Variants in FREM3 observed in about 807,000 individuals in gnomAD.
FREM3 encodes the protein FRAS1 related extracellular matrix 3.
A neutral mutation model predicts 129.1 loss-of-function variants in FREM3; 105 were observed. The observed-to-expected ratio is 0.81, with a 90% CI of 0.69 to 0.96. FREM3 has a LOEUF of 0.96. Ranked by LOEUF, FREM3 falls within the 40% of genes least tolerant of loss-of-function variation. FREM3 has a pLI of 0.00. For missense variants in FREM3, 2,593 were observed against 2,666.3 expected (o/e 0.97, Z 0.61); for synonymous variants, 1,014 against 1,044.9 (o/e 0.97, Z 0.57).
chr4:143,580,846 C>T (rs1738130418), intron 7 of FREM3, among the ~76,000 whole-genome samples: 1 of 152,246 alleles, frequency 6.6e-6, no homozygotes, highest in East Asian at 1.9e-4. Context: ...ACCCCCAGCA[C>T]AGCACAGCTG....
At chr4:143,590,330 A>G (rs1738334781) in intron 6 of FREM3, among the ~76,000 whole-genome samples, 1 of 152,296 alleles carries the variant, frequency 6.6e-6, no homozygotes, top group African/African-American at 2.4e-5. Flanking sequence ...TTCAAAGGGA[A>G]TGTTTCCAGT....
chr4:143,679,658 A>C (rs1740216261), intron 2 of FREM3, among the ~76,000 whole-genome samples: 1 of 152,120 alleles, frequency 6.6e-6, no homozygotes, highest in South Asian at 2.1e-4. Flanking sequence ...CACAGCTCTG[A>C]GCTAATTCTT....
intron 6 of FREM3, among the ~76,000 whole-genome samples, chr4:143,586,391 C>T (rs891253741): frequency 2.0e-5 from 3 of 152,086 alleles, no homozygotes; most frequent in Non-Finnish European, 4.4e-5. Context: ...GAAAATTGCT[C>T]TTCCTGTGGA....
Position 143,696,029 on chromosome 4 carries a change from T to C in FREM3, c.4647A>G (p.Lys1549=). 6.5e-7 allele frequency: 1 copy of C among 1,537,874 alleles called. No homozygotes were observed. The highest frequency in any genetic ancestry group is 8.7e-7 in the Non-Finnish European group (1 of 1,147,042). The change falls in exon 1 of 8, where the codon AAA becomes AAG. Residue 1549 remains lysine (K), a synonymous_variant. Transcript: ENST00000329798. The part of the protein sequence containing the change: ...ILTIHRLTLQ[K]EDSQLITLLE... ...GGAGAGTGATCAGTTGGCTATCCTC[T>C]TTCTGTAGTGTTAGTCTATGGATGG...
At chr4:143,583,375 G>C (rs1738182353) in intron 7 of FREM3, among the ~76,000 whole-genome samples, 1 of 152,140 alleles carries the variant, frequency 6.6e-6, no homozygotes, top group South Asian at 2.1e-4. Context: ...AAACAACTTG[G>C]AAAATATATT....
intron 2 of FREM3, among the ~76,000 whole-genome samples, chr4:143,658,564 T>G (rs1335833485): frequency 2.6e-5 from 4 of 152,218 alleles, no homozygotes; most frequent in African/African-American, 7.2e-5. Context: ...CCTTTCCTGT[T>G]TCCTCAGTGT....
chr4:143,700,411 C>T lies in FREM3; in HGVS notation c.265G>A (p.Val89Met). The change falls in exon 1 of 8, where the codon GTG becomes ATG. Residue 89 changes from valine to methionine, a missense_variant. By Grantham distance (21) the Val-to-Met change is conservative. Coordinates refer to ENST00000329798, the MANE Select transcript of FREM3 (RefSeq NM_001168235.2). ...LDPLRDLVIGVQPGDRCEVTV... is the reference protein window; with the variant it reads ...LDPLRDLVIGMQPGDRCEVTV... ...ACTTCGCACCGGTCCCCCGGCTGCA[C>T]TCCAATCACCAGATCCCGGAGCGGG... 6.5e-7 allele frequency: 1 copy of T among 1,533,424 alleles called. No homozygotes were observed. The highest frequency in any genetic ancestry group is 1.2e-5 in the South Asian group (1 of 83,770). The allele number at this position is 1,533,424 out of a possible 1,614,324, so 95.0% of individuals were successfully genotyped here. A position where few individuals can be genotyped will look rare whatever the true frequency, so the allele number is the denominator to read the frequency against.
At chr4:143,586,804 T>C (rs1212133571) in intron 6 of FREM3, among the ~76,000 whole-genome samples, 3 of 152,192 alleles carry the variant, frequency 2.0e-5, no homozygotes, top group East Asian at 1.9e-4. Flanking sequence ...ATACCTACTA[T>C]ATGTACTGTC....
intron 6 of FREM3, among the ~76,000 whole-genome samples, chr4:143,588,879 A>G (rs1328451174): frequency 1.3e-5 from 2 of 150,300 alleles, no homozygotes; most frequent in African/African-American, 5.0e-5. Flanking sequence ...AAGTGTTCCT[A>G]TTTCTCCACA....
chr4:143,631,218 G>C (rs1271063660), intron 2 of FREM3, among the ~76,000 whole-genome samples: 1 of 152,128 alleles, frequency 6.6e-6, no homozygotes, highest in Non-Finnish European at 1.5e-5. Flanking sequence ...AATATTATTT[G>C]ATTCTGGGGC....
intron 2 of FREM3, among the ~76,000 whole-genome samples, chr4:143,655,676 A>G (rs899515992): frequency 1.3e-5 from 2 of 152,214 alleles, no homozygotes; most frequent in Non-Finnish European, 2.9e-5. Flanking sequence ...TTGAATTCGT[A>G]TCAAAAACCA....
intron 7 of FREM3, among the ~76,000 whole-genome samples, chr4:143,581,641 G>A (rs1212162474): frequency 6.6e-6 from 1 of 152,134 alleles, no homozygotes; most frequent in East Asian, 1.9e-4. Context: ...AAGAGTCTGA[G>A]GGCTTTACTC....
chr4:143,670,863 T>A (rs1739952540), intron 2 of FREM3, among the ~76,000 whole-genome samples: 1 of 152,098 alleles, frequency 6.6e-6, no homozygotes, highest in South Asian at 2.1e-4. Flanking sequence ...ATACATGGAA[T>A]CACATGATTA....
chr4:143,597,431 G>A (rs1738502479), intron 6 of FREM3, among the ~76,000 whole-genome samples: 2 of 152,152 alleles, frequency 1.3e-5, no homozygotes, highest in South Asian at 2.1e-4. Context: ...GATAAACACA[G>A]TTTTTATGCC....
chr4:143,683,842 G>C (rs1740303568), intron 2 of FREM3, among the ~76,000 whole-genome samples: 1 of 152,172 alleles, frequency 6.6e-6, no homozygotes, highest in Non-Finnish European at 1.5e-5. Context: ...AGTGAGAACT[G>C]CCCTTCAGTT....
chr4:143,662,552 A>G (rs1400032182), intron 2 of FREM3, among the ~76,000 whole-genome samples: 2 of 149,512 alleles, frequency 1.3e-5, no homozygotes, highest in African/African-American at 2.4e-5. Flanking sequence ...AAAAAAATGT[A>G]TATTCTGTTG....
intron 2 of FREM3, among the ~76,000 whole-genome samples, chr4:143,676,130 C>T (rs1286510623): frequency 6.6e-6 from 1 of 152,080 alleles, no homozygotes; most frequent in African/African-American, 2.4e-5. Context: ...AACATTGATG[C>T]AAAAATCCTC....
intron 6 of FREM3, among the ~76,000 whole-genome samples, chr4:143,586,871 A>G (rs1002576989): frequency 6.6e-6 from 1 of 152,196 alleles, no homozygotes; most frequent in African/African-American, 2.4e-5. Context: ...GAGGCAAAAA[A>G]TGTAAATATT....
At position 143,693,180 on chromosome 4, in the gene FREM3, T is replaced by C. The variant is rs199718792; in HGVS notation, c.5208A>G (p.Ile1736Met). Residue 1736 changes from isoleucine (I) to methionine (M), a missense_variant, in exon 2 of 8, where the codon ATA becomes ATG. Transcript: ENST00000329798. ...TGCTGCCCTCATTCAAGACATAGGA[T>C]ATCTTCATCTCATCAATGTCAGCTA... ...FTQADIDEMKISYVLNEGSNA... is the reference protein window; with the variant it reads ...FTQADIDEMKMSYVLNEGSNA... The C allele has an allele frequency of 3.6e-5, 55 of 1,509,630 alleles. No homozygotes were observed. The highest frequency in any genetic ancestry group is 4.8e-5 in the Non-Finnish European group (54 of 1,131,344). The allele number at this position is 1,509,630 out of a possible 1,614,324, so 93.5% of individuals were successfully genotyped here.
Sources: allele counts gnomAD v4.1 joint callset (sites outside exome capture counted in the v4.1 genomes callset), GRCh38; gene constraint gnomAD v4.1.1; transcripts MANE v1.5; gene names NCBI Gene and HGNC (gene_info 2026-07-23, HGNC 2026-07-21).